The following CCDC171 variants were observed in gnomAD, a reference collection of about 807,000 sequenced individuals.
The protein encoded by CCDC171 is coiled-coil domain-containing protein 171.
A neutral mutation model predicts 168.2 loss-of-function variants in CCDC171; 177 were observed. The ratio of observed to expected loss-of-function variants is 1.05; its 90% CI spans 0.93 to 1.19. The LOEUF is 1.19. CCDC171 is among the 50% of genes most tolerant of loss of function. The pLI is 0.00. For synonymous variants in CCDC171, 687 were observed against 540.8 expected (o/e 1.27, Z -3.75); for missense variants, 1,991 against 1,539.0 (o/e 1.29, Z -4.91).
At chr9:15,646,111 G>T (rs1262383075) in intron 7 of CCDC171, among the ~76,000 whole-genome samples, 1 of 152,144 alleles carries the variant, frequency 6.6e-6, no homozygotes, top group Non-Finnish European at 1.5e-5. Flanking sequence ...TTAAAGAAAA[G>T]AATTTTCAAC....
intron 23 of CCDC171, among the ~76,000 whole-genome samples, chr9:15,862,343 TG>T (rs996479463): frequency 1.3e-5 from 2 of 151,792 alleles, no homozygotes; most frequent in African/African-American, 4.8e-5. Context: ...TTTAGTCTGC[TG>T]TTGAACCTCT....
chr9:15,576,897 T>A (rs1223954343), intron 3 of CCDC171, among the ~76,000 whole-genome samples: 1 of 152,220 alleles, frequency 6.6e-6, no homozygotes, highest in Non-Finnish European at 1.5e-5. Flanking sequence ...CAAATCCTCC[T>A]GCAAGGCAGC....
chr9:16,002,494 G>A (rs1230782670), intron 3 of CCDC171, among the ~76,000 whole-genome samples: 7 of 152,108 alleles, frequency 4.6e-5, no homozygotes, highest in East Asian at 1.9e-4. Context: ...ACAACTGTAC[G>A]TTGTGTTCGT....
intron 6 of CCDC171, among the ~76,000 whole-genome samples, chr9:15,605,754 C>A (rs773099523): frequency 6.6e-6 from 1 of 151,796 alleles, no homozygotes; most frequent in Non-Finnish European, 1.5e-5. Flanking sequence ...AAGGGTCTTG[C>A]CCCTTTCACC....
At chr9:16,069,765 G>C in the CCDC171 span, among the ~76,000 whole-genome samples, 305 of 152,266 alleles carry the variant, frequency 2.0e-3, 1 homozygote, top group African/African-American at 7.1e-3. Flanking sequence ...AGAGCTTGCT[G>C]TTCACACCCC....
At chr9:16,055,754 G>T (rs1833829703) in intron 1 of CCDC171, among the ~76,000 whole-genome samples, 1 of 152,226 alleles carries the variant, frequency 6.6e-6, no homozygotes, top group Admixed American at 6.5e-5. Flanking sequence ...CCAAGTTCAG[G>T]GGCTCAGGAA....
chr9:15,727,305 T>A (rs1193476381), intron 14 of CCDC171, among the ~76,000 whole-genome samples: 1 of 152,206 alleles, frequency 6.6e-6, no homozygotes, highest in Non-Finnish European at 1.5e-5. Flanking sequence ...TGGGATAGAT[T>A]TCCTATAAGT....
intron 7 of CCDC171, 41 bp downstream of exon 7, chr9:15,623,454 C>T (rs570821981): frequency 7.2e-7 from 1 of 1,381,994 alleles, no homozygotes; most frequent in Non-Finnish European, 1.0e-6. Context: ...TGCGTACAAA[C>T]TTTCACATAT....
chr9:15,698,944 G>T (rs1316458491), intron 11 of CCDC171, among the ~76,000 whole-genome samples: 1 of 152,178 alleles, frequency 6.6e-6, no homozygotes, highest in Non-Finnish European at 1.5e-5. Flanking sequence ...TTATATGACA[G>T]TGCAGGTATC....
chr9:16,012,614 T>C (rs886618049), intron 3 of CCDC171, among the ~76,000 whole-genome samples: 1 of 152,170 alleles, frequency 6.6e-6, no homozygotes, highest in East Asian at 1.9e-4. Context: ...GGTTGTTTTT[T>C]TTTATAATGG....
At chr9:15,983,323 C>T (rs752650194) in intron 3 of CCDC171, among the ~76,000 whole-genome samples, 1 of 152,002 alleles carries the variant, frequency 6.6e-6, no homozygotes, top group Admixed American at 6.6e-5. Flanking sequence ...CTTCATTTCT[C>T]TTTTTTCCTG....
chr9:15,667,930 G>A (rs1241004166), intron 9 of CCDC171, among the ~76,000 whole-genome samples: 1 of 151,916 alleles, frequency 6.6e-6, no homozygotes, highest in Non-Finnish European at 1.5e-5. Flanking sequence ...TATGTTCTTT[G>A]AACCATTGCT....
chr9:15,869,978 T>C (rs1050243157), intron 23 of CCDC171, among the ~76,000 whole-genome samples: 3 of 151,818 alleles, frequency 2.0e-5, no homozygotes, highest in African/African-American at 7.2e-5. Context: ...ACCAAGTTTT[T>C]CTGTAAAGGC....
intron 25 of CCDC171, among the ~76,000 whole-genome samples, chr9:15,957,330 C>T (rs902832977): frequency 8.5e-5 from 13 of 152,088 alleles, no homozygotes; most frequent in African/African-American, 1.2e-4. Flanking sequence ...TGAATGTCAG[C>T]GAAAGCCAGT....
chr9:15,598,273 C>T (rs1336111535), intron 6 of CCDC171, among the ~76,000 whole-genome samples: 2 of 152,052 alleles, frequency 1.3e-5, no homozygotes, highest in Non-Finnish European at 2.9e-5. Flanking sequence ...CCTGCTTTCT[C>T]TTGTGGGCAT....
intron 21 of CCDC171, among the ~76,000 whole-genome samples, chr9:15,837,017 C>T (rs2060481716): frequency 6.6e-6 from 1 of 152,214 alleles, no homozygotes; most frequent in Non-Finnish European, 1.5e-5. Flanking sequence ...TTAACATCTG[C>T]AACCCTCTTC....
At chr9:15,874,248 C>T (rs544281118) in intron 23 of CCDC171, among the ~76,000 whole-genome samples, 1 of 152,084 alleles carries the variant, frequency 6.6e-6, no homozygotes, top group African/African-American at 2.4e-5. Context: ...TAGGGTGGAA[C>T]TGTGAAAAAA....
intron 18 of CCDC171, among the ~76,000 whole-genome samples, chr9:15,765,383 AT>A (rs1212587914): frequency 6.6e-6 from 1 of 152,156 alleles, no homozygotes; most frequent in Non-Finnish European, 1.5e-5. Context: ...AATCTTGATA[AT>A]GAGGGAAGGC....
intron 21 of CCDC171, among the ~76,000 whole-genome samples, chr9:15,823,927 T>C (rs1413225409): frequency 6.6e-6 from 1 of 152,130 alleles, no homozygotes; most frequent in African/African-American, 2.4e-5. Context: ...AGAATAGACA[T>C]TGGTAGACTT....
Sources: gnomAD v4.1 joint callset for allele counts (sites outside exome capture counted in the v4.1 genomes callset) on GRCh38, gnomAD v4.1.1 for gene constraint, MANE v1.5 for transcripts, NCBI Gene and HGNC (gene_info 2026-07-23, HGNC 2026-07-21) for gene names.